Variants in ADGRL3 observed in about 807,000 individuals in gnomAD.
The protein encoded by ADGRL3 is calcium-independent alpha-latrotoxin receptor 3.
In ADGRL3, 62 loss-of-function variants were observed where a neutral mutation model predicts 153.5. The observed-to-expected ratio is 0.40, with a 90% confidence interval of 0.33 to 0.50. ADGRL3 has a LOEUF of 0.50. Ranked by LOEUF, ADGRL3 falls within the 20% of genes least tolerant of loss-of-function variation. ADGRL3 has a pLI of 0.47. For synonymous variants in ADGRL3, 710 were observed against 672.5 expected (o/e 1.06, Z -0.86); for missense variants, 1,641 against 1,859.4 (o/e 0.88, Z 2.16).
At chr4:62,021,239 A>G (rs1318787862) in intron 21 of ADGRL3, among the ~76,000 whole-genome samples, 1 of 152,152 alleles carries the variant, frequency 6.6e-6, no homozygotes, top group Non-Finnish European at 1.5e-5. Context: ...TGTGTAGCAA[A>G]TAAAACTACC....
At chr4:61,485,882 A>T (rs1295744180) in intron 2 of ADGRL3, among the ~76,000 whole-genome samples, 1 of 151,554 alleles carries the variant, frequency 6.6e-6, no homozygotes, top group Non-Finnish European at 1.5e-5. Flanking sequence ...TTAAGAAGAT[A>T]TTTAAAGCTC....
At position 61,934,841 on chromosome 4, in the gene ADGRL3, C is replaced by A; in HGVS notation, c.2114C>A (p.Ala705Glu). ...RERSCRAYVQAMVETVNNLLQ... is the reference protein window; with the variant it reads ...RERSCRAYVQEMVETVNNLLQ... ...GTCATTCTTTTCATCCTCTTGTAGG[C>A]AATGGTCGAGACAGTTAACAACCTC... Residue 705 changes from alanine to glutamate, a missense_variant and splice_region_variant, in exon 14 of 27, where the codon GCA (alanine) becomes GAA (glutamate). Ala to Glu is a moderately radical substitution (Grantham distance 107). This residue lies in a region of ADGRL3 where 734 missense variants were observed against 797.0 expected (regional missense o/e 0.92). Transcript: ENST00000683033. The A allele has an allele frequency of 6.2e-7, 1 of 1,612,790 alleles. No individual in the cohort carries two copies. The highest frequency in any genetic ancestry group is 8.5e-7 in the Non-Finnish European group (1 of 1,179,208).
intron 5 of ADGRL3, among the ~76,000 whole-genome samples, chr4:61,617,011 T>C (rs2092077156): frequency 6.6e-6 from 1 of 152,158 alleles, no homozygotes; most frequent in Admixed American, 6.5e-5. Flanking sequence ...CTATAATTTC[T>C]GATTTATCCT....
chr4:61,650,314 G>C (rs972711183), intron 5 of ADGRL3, among the ~76,000 whole-genome samples: 2 of 151,982 alleles, frequency 1.3e-5, no homozygotes, highest in East Asian at 1.9e-4. Context: ...AATATTTACT[G>C]TATTACTTTT....
intron 2 of ADGRL3, among the ~76,000 whole-genome samples, chr4:61,491,910 C>T (rs1363734838): frequency 6.6e-6 from 1 of 152,046 alleles, no homozygotes; most frequent in East Asian, 1.9e-4. Context: ...ATTTTAAAGT[C>T]CAAATACTAA....
intron 1 of ADGRL3, among the ~76,000 whole-genome samples, chr4:61,370,838 T>C (rs2096509081): frequency 6.6e-6 from 1 of 152,158 alleles, no homozygotes; most frequent in Non-Finnish European, 1.5e-5. Context: ...GATGTTAAAG[T>C]CTCCCATTAT....
At chr4:61,358,075 G>T (rs1041176478) in intron 1 of ADGRL3, among the ~76,000 whole-genome samples, 7 of 152,034 alleles carry the variant, frequency 4.6e-5, no homozygotes, top group African/African-American at 1.7e-4. Context: ...TTCCCATCAG[G>T]CTTTAGTTCT....
chr4:61,733,714 C>G (rs1409633025), intron 8 of ADGRL3, among the ~76,000 whole-genome samples, 160 bp downstream of exon 8: 1 of 152,154 alleles, frequency 6.6e-6, no homozygotes, highest in African/African-American at 2.4e-5. Flanking sequence ...CTGCTGATCA[C>G]TTTCAGCTAT....
In ADGRL3 at chr4:61,497,245, C is replaced by T; in HGVS notation, c.-49C>T. 8.8e-7 allele frequency: 1 copy of T among 1,138,388 alleles called. No individual in the cohort carries two copies. The highest frequency in any genetic ancestry group is 1.3e-6 in the Non-Finnish European group (1 of 766,790). The allele number at this position is 1,138,388 out of a possible 1,614,324, so 70.5% of individuals were successfully genotyped here. A position where few individuals can be genotyped will look rare whatever the true frequency, so the allele number is the denominator to read the frequency against. ...CTAGAAATATACGTATTTTGTTTCACATTTGAACAGTCATTCTTGAGGAAT... is the reference window on the plus strand; with the variant it reads ...CTAGAAATATACGTATTTTGTTTCATATTTGAACAGTCATTCTTGAGGAAT... On this transcript the variant is annotated 5_prime_UTR_variant, in exon 3 of 27. Transcript: ENST00000683033.
chr4:61,822,447 A>T (rs1342175749), intron 9 of ADGRL3, among the ~76,000 whole-genome samples: 1 of 152,182 alleles, frequency 6.6e-6, no homozygotes. Flanking sequence ...TCATATCTCT[A>T]GGTTCCTGCA....
intron 9 of ADGRL3, among the ~76,000 whole-genome samples, chr4:61,837,375 T>G (rs919300363): frequency 6.6e-6 from 1 of 152,088 alleles, no homozygotes; most frequent in Non-Finnish European, 1.5e-5. Context: ...CAAAGGCAAT[T>G]AGAATGTGGT....
intron 12 of ADGRL3, among the ~76,000 whole-genome samples, chr4:61,910,768 C>CT (rs1485909857): frequency 6.6e-6 from 1 of 151,608 alleles, no homozygotes; most frequent in Non-Finnish European, 1.5e-5. Flanking sequence ...GCAAAGTAGT[C>CT]TTTTAATATG....
chr4:61,818,547 G>T (rs1042743859), intron 9 of ADGRL3, among the ~76,000 whole-genome samples: 8 of 152,122 alleles, frequency 5.3e-5, no homozygotes, highest in African/African-American at 1.9e-4. Context: ...ATATTCGTAA[G>T]AAATCTGGCC....
At chr4:61,341,295 T>C (rs2095803194) in intron 1 of ADGRL3, among the ~76,000 whole-genome samples, 1 of 151,944 alleles carries the variant, frequency 6.6e-6, no homozygotes. Context: ...TATGAGGATA[T>C]TGATTAATAT....
intron 1 of ADGRL3, among the ~76,000 whole-genome samples, chr4:61,284,560 T>C (rs188084261): frequency 9.2e-5 from 14 of 152,102 alleles, no homozygotes; most frequent in Admixed American, 9.2e-4. Flanking sequence ...ATTTGTGAGC[T>C]GCATATTAAT....
chr4:61,764,101 T>TGAAATTTATGTAATTTATGTA, intron 8 of ADGRL3, among the ~76,000 whole-genome samples: 1 of 152,330 alleles, frequency 6.6e-6, no homozygotes, highest in East Asian at 1.9e-4. Context: ...ATGTAAATGT[T>TGAAATTTATGTAATTTATGTA]CATTTATCTC....
chr4:61,599,096 A>G (rs1579770920), intron 5 of ADGRL3, among the ~76,000 whole-genome samples: 1 of 152,338 alleles, frequency 6.6e-6, no homozygotes, highest in East Asian at 1.9e-4. Context: ...AGACCCAAAG[A>G]TACAGGATAA....
chr4:61,590,437 A>C (rs1434987968), intron 5 of ADGRL3, among the ~76,000 whole-genome samples: 3 of 152,088 alleles, frequency 2.0e-5, no homozygotes, highest in African/African-American at 7.2e-5. Context: ...ACAGTTTAGC[A>C]ACTGGATAAC....
At chr4:61,764,438 GCAGGAGTGGGGGTCGCAA>G (rs2096951092) in intron 8 of ADGRL3, among the ~76,000 whole-genome samples, 4 of 146,934 alleles carry the variant, frequency 2.7e-5, no homozygotes, top group East Asian at 2.0e-4. Flanking sequence ...TGCTCAGTGG[GCAGGAGTGGGGGTCGCAA>G]GGTGCTCAGT....
Sources: allele counts gnomAD v4.1 joint callset (sites outside exome capture counted in the v4.1 genomes callset), GRCh38; gene constraint gnomAD v4.1.1; regional missense constraint gnomAD v4.1.1; transcripts MANE v1.5; gene names NCBI Gene and HGNC (gene_info 2026-07-23, HGNC 2026-07-21).